Variants in USP19 observed in about 807,000 individuals in gnomAD.
The protein encoded by USP19 is ubiquitin specific peptidase 19, also known as ubiquitin carboxyl-terminal hydrolase 19.
A neutral mutation model predicts 144.8 loss-of-function variants in USP19; 40 were observed. The ratio of observed to expected loss-of-function variants is 0.28; its 90% CI spans 0.21 to 0.36. The LOEUF (loss-of-function observed/expected upper bound fraction) is 0.36, where lower values mean the gene tolerates loss of function less well. Ranked by LOEUF, USP19 falls within the 10% of genes least tolerant of loss-of-function variation. The pLI is 1.00. For synonymous variants in USP19, 701 were observed against 709.3 expected (o/e 0.99, Z 0.19); for missense variants, 1,518 against 1,822.5 (o/e 0.83, Z 3.04).
chr3:49,112,624 A>C lies in USP19; in HGVS notation c.2511T>G (p.Ile837Met). The change falls in exon 18 of 27, where the codon ATT (isoleucine) becomes ATG (methionine). Residue 837 changes from isoleucine to methionine, a missense_variant. By Grantham distance (10) the Ile-to-Met change is conservative. Transcript: ENST00000417901. This position sits in a 1 kb window ranked among gnomAD's most constrained non-coding sequence, Gnocchi z 4.9. Reference protein sequence around the residue: ...KPENLRLAEVIKNRFHRVFLP... With the variant: ...KPENLRLAEVMKNRFHRVFLP... ...GGAACACACGATGAAAACGATTCTT[A>C]ATTACCTGGGGACAGAGAACACACA... 1 of 1,612,796 alleles carries C rather than the reference A, an allele frequency of 6.2e-7. No homozygotes were observed. Among genetic ancestry groups the C allele is most frequent in the Non-Finnish European group, 8.5e-7 (1 of 1,179,196 alleles).
At position 49,114,776 on chromosome 3, in the gene USP19, G is replaced by C. The variant is rs1414507673; in HGVS notation, c.2279C>G (p.Pro760Arg). The stretch of plus-strand genomic sequence containing the variant: ...AGCCCATCACACCTTGGCACACACA[G>C]GGCACACCAGCTTCGACTTGTACTG... ...QGQYKSKLVC[P>R]VCAKVSITFD... Residue 760 changes from proline to arginine, a missense_variant, in exon 15 of 27, where the codon CCT becomes CGT. Around this residue, in one of 5 missense-constraint regions of USP19, gnomAD observed 158 missense variants for 277.3 expected, o/e 0.57. Coordinates refer to ENST00000417901, the MANE Select transcript of USP19 (RefSeq NM_001199161.2). The surrounding 1 kb of genome is among the most constrained non-coding windows in gnomAD (Gnocchi z 4.5). 1 of 1,614,160 alleles carries C rather than the reference G, an allele frequency of 6.2e-7. No homozygotes were observed. Among genetic ancestry groups the C allele is most frequent in the East Asian group, 2.2e-5 (1 of 44,882 alleles).
At position 49,114,124 on chromosome 3, in the gene USP19, G is replaced by A. The variant is rs199806602; in HGVS notation, c.2404-31C>T. On this transcript the variant is annotated intron_variant, in intron 16 of 26. Transcript: ENST00000417901. The surrounding 1 kb of genome is among the most constrained non-coding windows in gnomAD (Gnocchi z 4.5). ...GCAAAAAGGGCAGTCAGTGAGGGAG[G>A]TGGGCCACGTTCTCTAGAACAGCCC... 2 of 1,614,122 alleles carry A rather than the reference G, an allele frequency of 1.2e-6. No individual in the cohort carries two copies. The highest frequency in any genetic ancestry group is 2.2e-5 in the East Asian group (1 of 44,886).
rs2042657810 is a variant in USP19, at chr3:49,108,496, G to A, written c.4071C>T (p.Ala1357=). Residue 1357 remains alanine, a synonymous_variant, in exon 27 of 27, where the codon GCC becomes GCT. Coordinates refer to ENST00000417901, the MANE Select transcript of USP19 (RefSeq NM_001199161.2). The surrounding 1 kb of genome is among the most constrained non-coding windows in gnomAD (Gnocchi z 4.8). Reference sequence around the variant, plus strand: ...AGCGTTCAGGGGCTGTCCGCGTGGGGGCCACCTCGGGGGCCTGGCCAGGGC... The same window carrying A: ...AGCGTTCAGGGGCTGTCCGCGTGGGAGCCACCTCGGGGGCCTGGCCAGGGC... The part of the protein sequence containing the change: ...GLGPGQAPEV[A]PTRTAPERFA... The A allele has an allele frequency of 7.9e-7, 1 of 1,258,792 alleles. No individual in the cohort carries two copies. Among genetic ancestry groups the A allele is most frequent in the Non-Finnish European group, 1.0e-6 (1 of 975,240 alleles). The allele number at this position is 1,258,792 out of a possible 1,614,324, so 78.0% of individuals were successfully genotyped here.
At chr3:49,109,114 G>A (rs1392189425) in intron 26 of USP19, 4 of 1,562,984 alleles carry the variant, frequency 2.6e-6, no homozygotes, top group Non-Finnish European at 3.5e-6. Flanking sequence ...GGGGCCCCCA[G>A]GGACCCAGGG....
At chr3:49,120,175 G>A (rs1382660059) in intron 1 of USP19, among the ~76,000 whole-genome samples, 1 of 152,194 alleles carries the variant, frequency 6.6e-6, no homozygotes, top group Non-Finnish European at 1.5e-5. Flanking sequence ...ACAGATCCAG[G>A]ACTCCTGGCA....
rs773613567 is a variant in USP19, at chr3:49,111,140, C to T, written c.3355G>A (p.Asp1119Asn). ...KGDTPLELGD[D>N]CSLALVWRNN... ...CGCCAGACGAGAGCCAGGCTACAGTCGTCACCCAGCTCCAGTGGGGTGTCT... is the reference window on the plus strand; with the variant it reads ...CGCCAGACGAGAGCCAGGCTACAGTTGTCACCCAGCTCCAGTGGGGTGTCT... Residue 1119 changes from aspartate (D) to asparagine (N), a missense_variant, in exon 23 of 27, where the codon GAC (aspartate) becomes AAC (asparagine). By Grantham distance (23) the Asp-to-Asn change is conservative (BLOSUM62 1). Transcript: ENST00000417901. The surrounding 1 kb of genome is among the most constrained non-coding windows in gnomAD (Gnocchi z 5.9). 2 of 1,613,774 alleles carry T rather than the reference C, an allele frequency of 1.2e-6. No individual in the cohort carries two copies. Among genetic ancestry groups the T allele is most frequent in the East Asian group, 2.2e-5 (1 of 44,884 alleles).
Position 49,116,307 on chromosome 3 carries a change from G to T in USP19, c.1328C>A (p.Thr443Asn). The part of the protein sequence containing the change: ...LRLHPGCGPH[T>N]TFRWQVKLRN... Reference sequence around the variant, plus strand: ...GAGCTTCACCTGCCAACGGAAGGTGGTGTGGGGCCCACAGCCCGGGTGCAG... The same window carrying T: ...GAGCTTCACCTGCCAACGGAAGGTGTTGTGGGGCCCACAGCCCGGGTGCAG... The change falls in exon 9 of 27, where the codon ACC becomes AAC. Residue 443 changes from threonine (T) to asparagine (N), a missense_variant. Thr to Asn is a moderately conservative substitution (Grantham distance 65, BLOSUM62 0). This residue lies in a region of USP19 where 707 missense variants were observed against 728.9 expected (regional missense o/e 0.97). Transcript: ENST00000417901. This position sits in a 1 kb window ranked among gnomAD's most constrained non-coding sequence, Gnocchi z 5.0. 2 of 1,613,368 alleles carry T rather than the reference G, an allele frequency of 1.2e-6. No individual in the cohort carries two copies. Among genetic ancestry groups the T allele is most frequent in the Non-Finnish European group, 1.7e-6 (2 of 1,179,836 alleles).
Position 49,108,637 on chromosome 3 carries a change from C to G in USP19, c.4039-109G>C, listed in dbSNP as rs948556073. ...ACCCAAGGGAGGGTCCCAAGGCAGGCGCAGACAGCAGCGGCGTTGAGACAG... is the reference window on the plus strand; with the variant it reads ...ACCCAAGGGAGGGTCCCAAGGCAGGGGCAGACAGCAGCGGCGTTGAGACAG... On this transcript the variant is annotated intron_variant, in intron 26 of 26. Transcript: ENST00000417901. This position sits in a 1 kb window ranked among gnomAD's most constrained non-coding sequence, Gnocchi z 4.8. 8.0e-7 allele frequency: 1 copy of G among 1,255,556 alleles called. No homozygotes were observed. The highest frequency in any genetic ancestry group is 1.0e-6 in the Non-Finnish European group (1 of 996,104). 77.8% of individuals were successfully genotyped at this position (1,255,556 alleles called of 1,614,324 possible).
At position 49,108,929 on chromosome 3, in the gene USP19, C is replaced by G; in HGVS notation, c.4039-401G>C. Reference sequence around the variant, plus strand: ...CATGGCCTGGGGCAGGCAGGTAGGCCAGCTCACAGCAGCTGCCTGCAGGCG... The same window carrying G: ...CATGGCCTGGGGCAGGCAGGTAGGCGAGCTCACAGCAGCTGCCTGCAGGCG... On this transcript the variant is annotated intron_variant, in intron 26 of 26. Coordinates refer to ENST00000417901, the MANE Select transcript of USP19 (RefSeq NM_001199161.2). The surrounding 1 kb of genome is among the most constrained non-coding windows in gnomAD (Gnocchi z 4.8). 6.3e-7 allele frequency: 1 copy of G among 1,588,942 alleles called. No homozygotes were observed. Among genetic ancestry groups the G allele is most frequent in the African/African-American group, 1.3e-5 (1 of 74,606 alleles).
Position 49,112,211 on chromosome 3 carries a change from G to A in USP19, c.2765+73C>T. 2 of 1,556,302 alleles carry A rather than the reference G, an allele frequency of 1.3e-6. No homozygotes were observed. Among genetic ancestry groups the A allele is most frequent in the Admixed American group, 3.9e-5 (2 of 51,834 alleles). On this transcript the variant is annotated intron_variant, in intron 19 of 26. Transcript: ENST00000417901. The surrounding 1 kb of genome is among the most constrained non-coding windows in gnomAD (Gnocchi z 4.9). Reference sequence around the variant, plus strand: ...AGAAAGCTTAAGCATATGTGCCTTGGTGTGAAGGGAAGGAGCAGGGTGGCA... The same window carrying A: ...AGAAAGCTTAAGCATATGTGCCTTGATGTGAAGGGAAGGAGCAGGGTGGCA...
intron 2 of USP19, 94 bp downstream of exon 2, chr3:49,118,925 GAGA>G (rs1249866628): frequency 1.6e-5 from 25 of 1,562,420 alleles, no homozygotes; most frequent in Non-Finnish European, 2.0e-5. Flanking sequence ...CCAGGACAGA[GAGA>G]AGAACAAGAA....
At position 49,108,846 on chromosome 3, in the gene USP19, C is replaced by A; in HGVS notation, c.4039-318G>T. 6.8e-7 allele frequency: 1 copy of A among 1,459,872 alleles called. No individual in the cohort carries two copies. The highest frequency in any genetic ancestry group is 9.1e-7 in the Non-Finnish European group (1 of 1,104,378). The allele number at this position is 1,459,872 out of a possible 1,614,324, so 90.4% of individuals were successfully genotyped here. A position where few individuals can be genotyped will look rare whatever the true frequency, so the allele number is the denominator to read the frequency against. On this transcript the variant is annotated intron_variant, in intron 26 of 26. Transcript: ENST00000417901. This position sits in a 1 kb window ranked among gnomAD's most constrained non-coding sequence, Gnocchi z 4.8. ...GGGCCACAACCTCCCCACCCTCTCCCACCAGATGCATAAGCTGAGGCCCAA... is the reference window on the plus strand; with the variant it reads ...GGGCCACAACCTCCCCACCCTCTCCAACCAGATGCATAAGCTGAGGCCCAA...
rs952441991 is a variant in USP19 at position 49,108,505 on chromosome 3, G to A, written c.4062C>T (p.Pro1354=). 7.2e-6 allele frequency: 9 copies of A among 1,250,432 alleles called. No homozygotes were observed. The highest frequency in any genetic ancestry group is 3.3e-5 in the East Asian group (1 of 30,024). The allele number at this position is 1,250,432 out of a possible 1,614,324, so 77.5% of individuals were successfully genotyped here. ...GGGCTGTCCGCGTGGGGGCCACCTCGGGGGCCTGGCCAGGGCCTAGTCCCT... is the reference window on the plus strand; with the variant it reads ...GGGCTGTCCGCGTGGGGGCCACCTCAGGGGCCTGGCCAGGGCCTAGTCCCT... ...ASQGLGPGQA[P]EVAPTRTAPE... is the part of the protein sequence containing the mutation. Residue 1354 remains proline (P), a synonymous_variant, in exon 27 of 27, where the codon CCC becomes CCT. Coordinates refer to ENST00000417901, the MANE Select transcript of USP19 (RefSeq NM_001199161.2). This position sits in a 1 kb window ranked among gnomAD's most constrained non-coding sequence, Gnocchi z 4.8.
Position 49,116,610 on chromosome 3 carries a change from A to C in USP19, c.1127-3T>G. 6.2e-7 allele frequency: 1 copy of C among 1,614,134 alleles called. No homozygotes were observed. Among genetic ancestry groups the C allele is most frequent in the Non-Finnish European group, 8.5e-7 (1 of 1,180,014 alleles). ...CAGGTTCACCATCGACTCGGGCTCT[A>C]TATTGAGACCATGGCTCAGCCCCAA... On this transcript the variant is annotated splice_polypyrimidine_tract_variant and splice_region_variant and intron_variant, in intron 7 of 26. Transcript: ENST00000417901. The surrounding 1 kb of genome is among the most constrained non-coding windows in gnomAD (Gnocchi z 5.0).
In USP19 at chr3:49,113,985, A is replaced by G. The variant is rs1432279183; in HGVS notation, c.2505+7T>C. ...ACATGTGATAGCCCAAGGAAGGACA[A>G]AGATACCTCCGCCAAACGCAGGTTC... On this transcript the variant is annotated splice_region_variant and intron_variant, in intron 17 of 26. Transcript: ENST00000417901. The G allele has an allele frequency of 3.1e-6, 5 of 1,614,004 alleles. No individual in the cohort carries two copies. Among genetic ancestry groups the G allele is most frequent in the Non-Finnish European group, 4.2e-6 (5 of 1,180,010 alleles).
intron 2 of USP19, 152 bp from the exon 3 acceptor site, chr3:49,118,272 A>AG (rs1005005414): frequency 1.2e-5 from 5 of 426,382 alleles, no homozygotes; most frequent in African/African-American, 8.3e-5. Context: ...CCTTTAAAAA[A>AG]AAAAAAAAAA....
In USP19 at chr3:49,117,203, G is replaced by A. The variant is rs543226479; in HGVS notation, c.765C>T (p.Gly255=). 148 of 1,547,980 alleles carry A rather than the reference G, an allele frequency of 9.6e-5. No homozygotes were observed. Among genetic ancestry groups the A allele is most frequent in the Non-Finnish European group, 9.8e-5 (112 of 1,147,088 alleles). Residue 255 remains glycine (G), a synonymous_variant, in exon 6 of 27, where the codon GGC becomes GGT. Transcript: ENST00000417901. The surrounding 1 kb of genome is among the most constrained non-coding windows in gnomAD (Gnocchi z 4.4). The stretch of plus-strand genomic sequence containing the variant: ...CCTGGGCCCCGGGGCCAGCCCCTGC[G>A]CCTACCTCACCACGGCCCTGGGCCC... ...QKRAQGRGEV[G]AGAGPGAQAG... is the part of the protein sequence containing the mutation.
At position 49,111,935 on chromosome 3, in the gene USP19, G is replaced by A. The variant is rs2043216556; in HGVS notation, c.2879C>T (p.Ala960Val). The A allele has an allele frequency of 6.2e-7, 1 of 1,613,938 alleles. No individual in the cohort carries two copies. Residue 960 changes from alanine to valine, a missense_variant, in exon 20 of 27, where the codon GCT (alanine) becomes GTT (valine). Physicochemically the swap from Ala to Val is moderately conservative, Grantham distance 64. Around this residue, in one of 5 missense-constraint regions of USP19, gnomAD observed 413 missense variants for 515.8 expected, o/e 0.80. Transcript: ENST00000417901. The surrounding 1 kb of genome is among the most constrained non-coding windows in gnomAD (Gnocchi z 5.9). ...PASRLTYARL[A>V]QLLEGYARYS... ...CCGGGCATAGCCCTCTAGCAACTGA[G>A]CGAGGCGGGCATAAGTGAGGCGTGA...
chr3:49,112,170 A>C lies in USP19; in HGVS notation c.2765+114T>G. The C allele has an allele frequency of 6.5e-7, 1 of 1,541,900 alleles. No individual in the cohort carries two copies. The highest frequency in any genetic ancestry group is 1.4e-5 in the African/African-American group (1 of 73,416). ...GCCCTGCCTCCCCCAGAGCCTGGTA[A>C]AGTAGGGTGGCAAGTAGAAAGCTTA... On this transcript the variant is annotated intron_variant, in intron 19 of 26. Transcript: ENST00000417901. The surrounding 1 kb of genome is among the most constrained non-coding windows in gnomAD (Gnocchi z 4.9).
Sources: gnomAD v4.1 joint callset for allele counts (sites outside exome capture counted in the v4.1 genomes callset) on GRCh38, gnomAD v4.1.1 for gene constraint, gnomAD v4.1.1 regional missense constraint, Gnocchi (gnomAD v3.1) non-coding constraint, MANE v1.5 for transcripts, NCBI Gene and HGNC (gene_info 2026-07-23, HGNC 2026-07-21) for gene names.